The following CNTN4 variants were observed in gnomAD, a reference collection of about 807,000 sequenced individuals.
CNTN4 encodes contactin 4.
Under a neutral mutation model 122.5 loss-of-function variants are expected in CNTN4, and 77 were observed. That is an observed-to-expected ratio of 0.63 (90% CI 0.52 to 0.76). CNTN4 has a LOEUF of 0.76. Ranked by LOEUF, CNTN4 falls within the 30% of genes least tolerant of loss-of-function variation. The probability of loss-of-function intolerance (pLI) is 0.00; values close to 1 mark genes in which losing one functional copy is unlikely to be tolerated. For missense variants in CNTN4, 1,256 were observed against 1,259.1 expected, an observed-to-expected ratio of 1.00 and a Z score of 0.04; for synonymous variants, 512 against 447.0, an observed-to-expected ratio of 1.15 and a Z score of -1.83.
chr3:2,571,303 A>G (rs1447963995), intron 3 of CNTN4, 113 bp from the exon 4 acceptor site: 2 of 618,226 alleles, frequency 3.2e-6, no homozygotes, highest in African/African-American at 1.8e-5. Flanking sequence ...CTTCCCCTCC[A>G]ATGGTACTTT....
chr3:2,385,855 A>C lies in CNTN4; in HGVS notation c.-89+46622A>C, dbSNP rs2046235110. Reference sequence around the variant, plus strand: ...CACACGTACCAGGGGTCAAGACTTCAACACATCTTTTTAGCGACACAATTC... The same window carrying C: ...CACACGTACCAGGGGTCAAGACTTCCACACATCTTTTTAGCGACACAATTC... On this transcript the variant is annotated intron_variant, in intron 3 of 24. Coordinates refer to ENST00000418658, the MANE Select transcript of CNTN4 (RefSeq NM_175607.3). This position sits in a 1 kb window ranked among gnomAD's most constrained non-coding sequence, Gnocchi z 4.0. Among the ~76,000 whole-genome samples the C allele has an allele frequency of 6.6e-6, 1 of 152,070 alleles. No individual in the cohort carries two copies. The highest frequency in any genetic ancestry group is 2.4e-5 in the African/African-American group (1 of 41,436).
intron 3 of CNTN4, among the ~76,000 whole-genome samples, chr3:2,524,522 T>G (rs948454727): frequency 6.6e-5 from 10 of 152,092 alleles, no homozygotes; most frequent in Admixed American, 6.6e-4. Flanking sequence ...TTAACCAATA[T>G]GTTTAAATTT....
At chr3:2,839,400 T>G (rs1413891502) in intron 7 of CNTN4, among the ~76,000 whole-genome samples, 2 of 151,794 alleles carry the variant, frequency 1.3e-5, no homozygotes, top group Admixed American at 1.3e-4. Flanking sequence ...AATGGCAAGT[T>G]TTTTGCTTTT....
chr3:2,491,778 C>G (rs572347593), intron 3 of CNTN4, among the ~76,000 whole-genome samples: 34 of 152,254 alleles, frequency 2.2e-4, no homozygotes, highest in African/African-American at 7.7e-4. Flanking sequence ...TAATTTAAAT[C>G]CTTCAGTAAA....
At chr3:2,184,462 A>G (rs994445060) in intron 2 of CNTN4, among the ~76,000 whole-genome samples, 4 of 152,086 alleles carry the variant, frequency 2.6e-5, no homozygotes, top group Non-Finnish European at 5.9e-5. Flanking sequence ...GCTAATTGGG[A>G]AGTATGGAAG....
chr3:3,011,737 C>T (rs530610758), intron 14 of CNTN4, among the ~76,000 whole-genome samples: 3 of 152,190 alleles, frequency 2.0e-5, no homozygotes, highest in Admixed American at 6.5e-5. Context: ...CTTAGAGTCG[C>T]GATATTTCTT....
At chr3:2,747,301 C>A (rs9814592) in intron 6 of CNTN4, among the ~76,000 whole-genome samples, 1 of 150,448 alleles carries the variant, frequency 6.6e-6, no homozygotes, top group Non-Finnish European at 1.5e-5. Flanking sequence ...CCCAGCTGCT[C>A]GGGAGGCTGA....
intron 12 of CNTN4, among the ~76,000 whole-genome samples, chr3:2,906,297 A>T (rs1183757084): frequency 6.6e-6 from 1 of 152,176 alleles, no homozygotes; most frequent in Non-Finnish European, 1.5e-5. Context: ...TAATAACAAG[A>T]TATCGTACTC....
intron 2 of CNTN4, among the ~76,000 whole-genome samples, chr3:2,247,762 C>A (rs2040211569): frequency 6.6e-6 from 1 of 151,906 alleles, no homozygotes; most frequent in African/African-American, 2.4e-5. Context: ...CAAATAGCAA[C>A]CCATGTCTAG....
At chr3:2,891,828 G>A (rs2094044461) in intron 10 of CNTN4, among the ~76,000 whole-genome samples, 1 of 152,174 alleles carries the variant, frequency 6.6e-6, no homozygotes, top group Admixed American at 6.5e-5. Context: ...TTTCAAGGCA[G>A]GAGGGTGACT....
intron 4 of CNTN4, among the ~76,000 whole-genome samples, chr3:2,641,016 G>A (rs2082875252): frequency 6.6e-6 from 1 of 152,164 alleles, no homozygotes; most frequent in Non-Finnish European, 1.5e-5. Flanking sequence ...GATTTTCCTT[G>A]ATTTCTCAAT....
chr3:2,671,616 G>A lies in CNTN4; in HGVS notation c.56-64599G>A, dbSNP rs578215431. ...ATCAAAGTCATTTTCCATCTGCTTT[G>A]TTCTGTTGCTGGTGAGGAGCTGCGT... On this transcript the variant is annotated intron_variant, in intron 4 of 24. Coordinates refer to ENST00000418658, the MANE Select transcript of CNTN4 (RefSeq NM_175607.3). 1.1e-4 allele frequency among the ~76,000 whole-genome samples: 16 copies of A among 152,292 alleles called. 1 individual carries two copies. In the East Asian group the frequency reaches 1.7e-3, roughly 17 times the overall value.
intron 14 of CNTN4, among the ~76,000 whole-genome samples, chr3:3,009,676 G>GCA (rs1697025631): frequency 6.6e-6 from 1 of 152,000 alleles, no homozygotes. Flanking sequence ...CTCGTGATCT[G>GCA]CCCTCCTCGG....
intron 4 of CNTN4, among the ~76,000 whole-genome samples, chr3:2,679,393 A>T (rs1313543352): frequency 6.6e-6 from 1 of 152,148 alleles, no homozygotes; most frequent in African/African-American, 2.4e-5. Context: ...CATCAACCAG[A>T]CAAAGAAGTA....
chr3:2,846,884 T>C (rs1320197242), intron 7 of CNTN4, among the ~76,000 whole-genome samples: 1 of 152,084 alleles, frequency 6.6e-6, no homozygotes, highest in Non-Finnish European at 1.5e-5. Flanking sequence ...TAATCCCAGC[T>C]ACTCAGGAAG....
intron 3 of CNTN4, among the ~76,000 whole-genome samples, chr3:2,422,294 A>G (rs2047647979): frequency 1.3e-5 from 2 of 152,164 alleles, no homozygotes; most frequent in South Asian, 2.1e-4. Flanking sequence ...AGACATTTCC[A>G]TGGTAGAAAC....
At chr3:2,850,005 T>TCC (rs1343227518) in intron 7 of CNTN4, among the ~76,000 whole-genome samples, 1 of 151,654 alleles carries the variant, frequency 6.6e-6, no homozygotes, top group African/African-American at 2.4e-5. Flanking sequence ...CTTTTTTTTT[T>TCC]CTGAGACGGA....
At chr3:3,046,724 C>T (rs536126048) in intron 23 of CNTN4, among the ~76,000 whole-genome samples, 15 of 152,072 alleles carry the variant, frequency 9.9e-5, no homozygotes, top group African/African-American at 1.2e-4. Flanking sequence ...CATCAACTAC[C>T]GAGCAAAATA....
chr3:2,355,712 C>A (rs1352011931), intron 3 of CNTN4, among the ~76,000 whole-genome samples: 1 of 152,118 alleles, frequency 6.6e-6, no homozygotes, highest in Non-Finnish European at 1.5e-5. Flanking sequence ...TAACATGACC[C>A]ACTGGATTGG....
Sources: allele counts gnomAD v4.1 joint callset (sites outside exome capture counted in the v4.1 genomes callset), GRCh38; gene constraint gnomAD v4.1.1; non-coding constraint Gnocchi (gnomAD v3.1); transcripts MANE v1.5; gene names NCBI Gene and HGNC (gene_info 2026-07-23, HGNC 2026-07-21).